The following ACP7 variants were observed in gnomAD, a reference collection of about 807,000 sequenced individuals.
ACP7 encodes acid phosphatase type 7.
Under a neutral mutation model 60.6 loss-of-function variants are expected in ACP7, and 58 were observed. The ratio of observed to expected loss-of-function variants is 0.96; its 90% confidence interval spans 0.77 to 1.19. ACP7 has a LOEUF of 1.19. Ranked by LOEUF, ACP7 falls within the 50% of genes most tolerant of loss-of-function variation. ACP7 has a pLI of 0.00. For missense variants in ACP7, 574 were observed against 596.2 expected, an observed-to-expected ratio of 0.96 and a Z score of 0.39; for synonymous variants, 237 against 232.6, an observed-to-expected ratio of 1.02 and a Z score of -0.17.
chr19:39,093,721 C>A (rs368991769), intron 2 of ACP7, among the ~76,000 whole-genome samples: 48 of 152,226 alleles, frequency 3.2e-4, no homozygotes, highest in African/African-American at 1.1e-3. Context: ...TTCCACTCAT[C>A]CCCTGTAAGT....
At chr19:39,086,956 G>T (rs1228410640) in intron 2 of ACP7, among the ~76,000 whole-genome samples, 3 of 152,112 alleles carry the variant, frequency 2.0e-5, no homozygotes, top group Non-Finnish European at 4.4e-5. Flanking sequence ...TTTTGCAAAA[G>T]AAGAAATTGA....
In ACP7 at chr19:39,110,373, GC is replaced by G; in HGVS notation, c.*259del. 1 of 523,754 alleles carries G rather than the reference GC, an allele frequency of 1.9e-6. No individual in the cohort carries two copies. The highest frequency in any genetic ancestry group is 3.4e-6 in the Non-Finnish European group (1 of 293,864). The allele number at this position is 523,754 out of a possible 1,614,324, so 32.4% of individuals were successfully genotyped here. On this transcript the variant is annotated 3_prime_UTR_variant, in exon 13 of 13. Transcript: ENST00000331256. ...CACACGGCAGGTTTCTGCTGGCAGG[GC>G]CCCACCCTCCTGCATAGCTCTGATC... is the stretch of plus-strand genomic sequence containing the variant.
At chr19:39,092,771 CTTT>C (rs67888880) in intron 2 of ACP7, among the ~76,000 whole-genome samples, 64 of 114,644 alleles carry the variant, frequency 5.6e-4, no homozygotes, top group African/African-American at 1.1e-3. Flanking sequence ...TCCCATTCCT[CTTT>C]TTTTTTTTTT....
intron 2 of ACP7, among the ~76,000 whole-genome samples, chr19:39,089,381 T>C (rs2073180074): frequency 6.6e-6 from 1 of 152,310 alleles, no homozygotes; most frequent in South Asian, 2.1e-4. Flanking sequence ...TTTAAAACTT[T>C]TAAATTTTGT....
Position 39,098,445 on chromosome 19 carries a change from C to G in ACP7, c.122-13C>G, listed in dbSNP as rs373096837. 7 of 1,528,164 alleles carry G rather than the reference C, an allele frequency of 4.6e-6. No homozygotes were observed. In the African/African-American group the frequency reaches 5.5e-5, roughly 12 times the overall value. The allele number at this position is 1,528,164 out of a possible 1,614,324, so 94.7% of individuals were successfully genotyped here. A position where few individuals can be genotyped will look rare whatever the true frequency, so the allele number is the denominator to read the frequency against. ...CTTCACTCCCGGTCTACCCTCTGTC[C>G]CTTTCTCCCCAGGTGAGCCAGGCTC... On this transcript the variant is annotated splice_polypyrimidine_tract_variant and intron_variant, in intron 2 of 12. Coordinates refer to ENST00000331256, the MANE Select transcript of ACP7 (RefSeq NM_001004318.3).
chr19:39,085,203 AC>A lies in ACP7; in HGVS notation c.-65del. On this transcript the variant is annotated 5_prime_UTR_variant, in exon 2 of 13. Coordinates refer to ENST00000331256, the MANE Select transcript of ACP7 (RefSeq NM_001004318.3). Reference sequence around the variant, plus strand: ...CCATCCTCCCAGCCCTTCCTGCTGTACCTGTGGGGAGCTGATCTCCTCAGTC... The same window carrying A: ...CCATCCTCCCAGCCCTTCCTGCTGTACTGTGGGGAGCTGATCTCCTCAGTC... The A allele has an allele frequency of 1.9e-6, 3 of 1,540,280 alleles. No individual in the cohort carries two copies. Among genetic ancestry groups the A allele is most frequent in the Non-Finnish European group, 2.6e-6 (3 of 1,140,718 alleles).
intron 12 of ACP7, 112 bp downstream of exon 12, chr19:39,107,196 C>T: frequency 8.4e-7 from 1 of 1,188,278 alleles, no homozygotes. Context: ...CCTGCAACAC[C>T]TGCAATTTGG....
chr19:39,086,645 G>T (rs1392336309), intron 2 of ACP7, among the ~76,000 whole-genome samples: 14 of 146,002 alleles, frequency 9.6e-5, no homozygotes, highest in South Asian at 2.3e-4. Context: ...AAAAAAAGGG[G>T]GGGGGGAGGG....
chr19:39,090,107 T>C (rs1454579377), intron 2 of ACP7, among the ~76,000 whole-genome samples: 6 of 152,168 alleles, frequency 3.9e-5, no homozygotes, highest in Admixed American at 6.6e-5. Context: ...ATTTGCCTAA[T>C]GGTGATTTTC....
intron 2 of ACP7, 75 bp from the exon 3 acceptor site, chr19:39,098,383 C>A (rs1442882374): frequency 1.7e-6 from 2 of 1,201,618 alleles, no homozygotes; most frequent in East Asian, 5.2e-5. Flanking sequence ...GTCAACGCCC[C>A]TCACTTTTTC....
At chr19:39,105,963 T>C (rs1038942132) in intron 11 of ACP7, among the ~76,000 whole-genome samples, 2 of 152,214 alleles carry the variant, frequency 1.3e-5, no homozygotes, top group African/African-American at 4.8e-5. Context: ...TCTTTTTTCC[T>C]TTGTAATTAA....
Position 39,101,002 on chromosome 19 carries a change from G to A in ACP7, c.861G>A (p.Arg287=). 6.2e-7 allele frequency: 1 copy of A among 1,613,916 alleles called. No homozygotes were observed. The highest frequency in any genetic ancestry group is 8.5e-7 in the Non-Finnish European group (1 of 1,180,022). ...ARPWIITMGH[R]PMYCSNADLD... ...CGTGGATCATCACTATGGGGCACCG[G>A]CCCATGTACTGCTCCAACGCAGATC... The change falls in exon 8 of 13, where the codon CGG becomes CGA. Residue 287 remains arginine (R), a synonymous_variant. Coordinates refer to ENST00000331256, the MANE Select transcript of ACP7 (RefSeq NM_001004318.3).
At chr19:39,087,989 T>G (rs1238640009) in intron 2 of ACP7, among the ~76,000 whole-genome samples, 1 of 151,986 alleles carries the variant, frequency 6.6e-6, no homozygotes, top group African/African-American at 2.4e-5. Flanking sequence ...TATCTTTCCT[T>G]GTTTTTCATG....
chr19:39,101,371 G>T lies in ACP7; in HGVS notation c.1041+16G>T. ...CAACTACCAGGTGAGGCACGTGAAG[G>T]GCTGAGCGCCCACACAGCTGGGGTC... is the stretch of plus-strand genomic sequence containing the variant. On this transcript the variant is annotated intron_variant, in intron 10 of 12. Transcript: ENST00000331256. The T allele has an allele frequency of 6.2e-7, 1 of 1,614,172 alleles. No homozygotes were observed. The highest frequency in any genetic ancestry group is 2.2e-5 in the East Asian group (1 of 44,878).
intron 4 of ACP7, among the ~76,000 whole-genome samples, 155 bp downstream of exon 4, chr19:39,099,297 G>A (rs1285964681): frequency 6.6e-6 from 1 of 152,168 alleles, no homozygotes; most frequent in Non-Finnish European, 1.5e-5. Context: ...GACAGGGGAT[G>A]AGACTGGCTA....
upstream of ACP7, chr19:39,084,021 C>A (rs79637822): frequency 0.012 from 1,755 of 152,474 alleles, 33 homozygotes; most frequent in African/African-American, 0.036. Flanking sequence ...AGGATAGGGG[C>A]CGGTGTCCGT....
Position 39,088,450 on chromosome 19 carries a change from A to C in ACP7, c.121+3060A>C, listed in dbSNP as rs562681261. Among the ~76,000 whole-genome samples the C allele has an allele frequency of 1.8e-4, 27 of 152,350 alleles. 1 individual carries two copies. The South Asian group carries it at 5.4e-3, about 30-fold the overall frequency. On this transcript the variant is annotated intron_variant, in intron 2 of 12. Coordinates refer to ENST00000331256, the MANE Select transcript of ACP7 (RefSeq NM_001004318.3). Reference sequence around the variant, plus strand: ...GCCTGGAGGCCTCTGTAAAAATGGGAAAGGCAGTAAAAACCCATCTCGTAG... The same window carrying C: ...GCCTGGAGGCCTCTGTAAAAATGGGCAAGGCAGTAAAAACCCATCTCGTAG...
rs563397006 is a variant in ACP7, at chr19:39,108,322, G to A, written c.1251+1238G>A. On this transcript the variant is annotated intron_variant, in intron 12 of 12. Transcript: ENST00000331256. Reference sequence around the variant, plus strand: ...ACCCGGCTAATTTTTTGTATTTTTAGTAGAGACAGGGTTTCACTGTGTTGG... The same window carrying A: ...ACCCGGCTAATTTTTTGTATTTTTAATAGAGACAGGGTTTCACTGTGTTGG... 2.0e-5 allele frequency among the ~76,000 whole-genome samples: 3 copies of A among 151,854 alleles called. No individual in the cohort carries two copies. In the East Asian group the frequency reaches 5.8e-4, roughly 30 times the overall value.
chr19:39,090,544 G>A (rs778913359), intron 2 of ACP7, among the ~76,000 whole-genome samples: 12 of 152,050 alleles, frequency 7.9e-5, no homozygotes, highest in East Asian at 1.9e-4. Flanking sequence ...TTGCAGTGGC[G>A]CGATCTCAGC....
Sources: gnomAD v4.1 joint callset for allele counts (sites outside exome capture counted in the v4.1 genomes callset) on GRCh38, gnomAD v4.1.1 for gene constraint, MANE v1.5 for transcripts, NCBI Gene and HGNC (gene_info 2026-07-23, HGNC 2026-07-21) for gene names.